WNK2: variants seen among roughly 807,000 people sequenced by gnomAD.
WNK2 encodes the protein serine/threonine-protein kinase WNK2.
Under a neutral mutation model 192.1 loss-of-function variants are expected in WNK2, and 67 were observed. That is an observed-to-expected ratio of 0.35 (90% confidence interval 0.29 to 0.43). WNK2 has a LOEUF of 0.43. Among genes scored for constraint, WNK2 ranks in the 20% least tolerant of loss-of-function variants. The probability of loss-of-function intolerance (pLI) is 1.00; values close to 1 mark genes in which losing one functional copy is unlikely to be tolerated. For missense variants in WNK2, 2,698 were observed against 3,089.7 expected (o/e 0.87, Z 3.01); for synonymous variants, 1,439 against 1,393.9 (o/e 1.03, Z -0.72).
intron 5 of WNK2, among the ~76,000 whole-genome samples, chr9:93,237,977 C>T (rs761360102): frequency 5.9e-5 from 9 of 152,114 alleles, no homozygotes; most frequent in Non-Finnish European, 1.0e-4. Context: ...TGCTGGTTTA[C>T]GGTGCCTTGT....
At chr9:93,298,567 C>A (rs1851027692) in intron 24 of WNK2, among the ~76,000 whole-genome samples, 1 of 152,208 alleles carries the variant, frequency 6.6e-6, no homozygotes, top group Admixed American at 6.5e-5. Context: ...CACGTCCCTG[C>A]ATGTCAGGGC....
chr9:93,215,003 C>T (rs897819256), intron 2 of WNK2, among the ~76,000 whole-genome samples: 2 of 151,602 alleles, frequency 1.3e-5, no homozygotes, highest in African/African-American at 4.9e-5. Flanking sequence ...TGATCTCAGC[C>T]TCCTGAGTAG....
At position 93,259,247 on chromosome 9, in the gene WNK2, A is replaced by G. The variant is rs773617136; in HGVS notation, c.2699A>G (p.His900Arg). 1.1e-5 allele frequency: 17 copies of G among 1,612,890 alleles called. No individual in the cohort carries two copies. In the African/African-American group the frequency reaches 2.3e-4, roughly 22 times the overall value. Residue 900 changes from histidine to arginine, a missense_variant, in exon 12 of 30, where the codon CAT becomes CGT. His to Arg is a conservative substitution (Grantham distance 29). This residue lies in a region of WNK2 where 893 missense variants were observed against 909.0 expected (regional missense o/e 0.98). Coordinates refer to ENST00000427277, the MANE Select transcript of WNK2 (RefSeq NM_006648.4). This position sits in a 1 kb window ranked among gnomAD's most constrained non-coding sequence, Gnocchi z 4.8. ...CCGGGCGTGGCTGCCCTGTCCATTC[A>G]TTCTGCCGTGGCCCAGCTCCCAGGC... ...APPGVAALSI[H>R]SAVAQLPGQP...
intron 19 of WNK2, among the ~76,000 whole-genome samples, chr9:93,285,431 A>T (rs1848312376): frequency 6.6e-6 from 1 of 152,228 alleles, no homozygotes; most frequent in Admixed American, 6.5e-5. Flanking sequence ...CTTTCTGTAT[A>T]CCAACAACAA....
chr9:93,306,921 T>C (rs1375073890), intron 27 of WNK2, 100 bp downstream of exon 27: 101 of 1,439,090 alleles, frequency 7.0e-5, no homozygotes, highest in Non-Finnish European at 2.9e-5. Context: ...GGCGTGGGCC[T>C]GCCCTGTGCC....
At chr9:93,206,281 C>T (rs1296498549) in intron 2 of WNK2, among the ~76,000 whole-genome samples, 1 of 152,170 alleles carries the variant, frequency 6.6e-6, no homozygotes, top group Non-Finnish European at 1.5e-5. Context: ...TGCTGGTGGA[C>T]AGGCTGAGGT....
chr9:93,309,391 A>G (rs1012806885), intron 28 of WNK2, among the ~76,000 whole-genome samples: 4 of 152,144 alleles, frequency 2.6e-5, no homozygotes, highest in African/African-American at 7.2e-5. Flanking sequence ...TATGGATTCA[A>G]TTTCTTCTAC....
chr9:93,273,498 A>T (rs967294758), intron 19 of WNK2, among the ~76,000 whole-genome samples: 1 of 152,252 alleles, frequency 6.6e-6, no homozygotes, highest in Non-Finnish European at 1.5e-5. Context: ...AGGACATAAC[A>T]GCCCTAAATG....
chr9:93,264,117 A>C, intron 16 of WNK2, 84 bp downstream of exon 16: 1 of 1,089,064 alleles, frequency 9.2e-7, no homozygotes, highest in South Asian at 1.3e-5. Context: ...TCACATGTCG[A>C]GCCTGGCCTT....
At position 93,261,959 on chromosome 9, in the gene WNK2, G is replaced by C; in HGVS notation, c.3212G>C (p.Ser1071Thr). Residue 1071 changes from serine to threonine, a missense_variant, in exon 13 of 30, where the codon AGC becomes ACC. By Grantham distance (58) the Ser-to-Thr change is moderately conservative. Coordinates refer to ENST00000427277, the MANE Select transcript of WNK2 (RefSeq NM_006648.4). ...CCTGAGCTCCTGCCTCAGTTCCCCA[G>C]CTCCCTGGCCACGGTGTCTGCCTCT... ...AAPELLPQFP[S>T]SLATVSASVQ... 1.3e-5 allele frequency: 21 copies of C among 1,611,656 alleles called. No individual in the cohort carries two copies. Among genetic ancestry groups the C allele is most frequent in the Non-Finnish European group, 1.7e-5 (20 of 1,179,736 alleles).
At chr9:93,307,643 C>T (rs1588611885) in intron 27 of WNK2, 1 of 152,516 alleles carries the variant, frequency 6.6e-6, no homozygotes, top group East Asian at 1.9e-4. Context: ...CAGCCCATGG[C>T]AGGAGCTGGT....
chr9:93,296,748 TC>T (rs558696827), intron 23 of WNK2, among the ~76,000 whole-genome samples: 1 of 68,976 alleles, frequency 1.4e-5, no homozygotes, highest in African/African-American at 6.1e-5. Flanking sequence ...CTCCTCCTCC[TC>T]CATCCTCCCT....
In WNK2 at chr9:93,230,851, G is replaced by T. The variant is rs145428759; in HGVS notation, c.855-37G>T. ...GCTTTGCTAGGGGGCCGCTGCCGGCGAGCTGCTTGGTGAGCTGTGCCCGTG... is the reference window on the plus strand; with the variant it reads ...GCTTTGCTAGGGGGCCGCTGCCGGCTAGCTGCTTGGTGAGCTGTGCCCGTG... On this transcript the variant is annotated intron_variant, in intron 3 of 29. Transcript: ENST00000427277. 25 of 1,591,408 alleles carry T rather than the reference G, an allele frequency of 1.6e-5. No individual in the cohort carries two copies. The African/African-American group carries it at 3.1e-4, about 20-fold the overall frequency.
chr9:93,244,176 AC>A lies in WNK2; in HGVS notation c.1543-3363del, dbSNP rs1313725389. Among the ~76,000 whole-genome samples, 3 of 152,190 alleles carry A rather than the reference AC, an allele frequency of 2.0e-5. 1 individual carries two copies. The highest frequency in any genetic ancestry group is 4.4e-5 in the Non-Finnish European group (3 of 68,030). On this transcript the variant is annotated intron_variant, in intron 7 of 29. Coordinates refer to ENST00000427277, the MANE Select transcript of WNK2 (RefSeq NM_006648.4). ...CCAGATGAGACCTCTTTCTGGAAGGACCCCGAGGGTGGGAGAGAATGCAGAT... is the reference window on the plus strand; with the variant it reads ...CCAGATGAGACCTCTTTCTGGAAGGACCCGAGGGTGGGAGAGAATGCAGAT...
intron 6 of WNK2, 87 bp downstream of exon 6, chr9:93,238,408 G>A: frequency 7.7e-7 from 1 of 1,302,200 alleles, no homozygotes; most frequent in South Asian, 1.2e-5. Flanking sequence ...TCTTGATGAG[G>A]GGACTTCAAG....
chr9:93,240,567 C>A (rs560145867), intron 7 of WNK2, among the ~76,000 whole-genome samples: 3 of 152,012 alleles, frequency 2.0e-5, no homozygotes, highest in African/African-American at 7.2e-5. Context: ...ATCGAGGCCT[C>A]ATTGGAGGGG....
At chr9:93,208,113 A>G (rs1423548023) in intron 2 of WNK2, among the ~76,000 whole-genome samples, 1 of 152,158 alleles carries the variant, frequency 6.6e-6, no homozygotes, top group Non-Finnish European at 1.5e-5. Context: ...ACACACAAAC[A>G]TCTCAGTTTT....
At chr9:93,291,332 G>A (rs1459468277) in intron 21 of WNK2, among the ~76,000 whole-genome samples, 2 of 152,160 alleles carry the variant, frequency 1.3e-5, no homozygotes, top group African/African-American at 4.8e-5. Flanking sequence ...GATATAACTT[G>A]TACTCCAAGT....
intron 4 of WNK2, among the ~76,000 whole-genome samples, chr9:93,231,803 A>G (rs1468417356): frequency 6.6e-6 from 1 of 152,226 alleles, no homozygotes; most frequent in Non-Finnish European, 1.5e-5. Context: ...CCCTAGGGGC[A>G]GCTGGCCCGG....
Sources: allele counts gnomAD v4.1 joint callset (sites outside exome capture counted in the v4.1 genomes callset), GRCh38; gene constraint gnomAD v4.1.1; regional missense constraint gnomAD v4.1.1; non-coding constraint Gnocchi (gnomAD v3.1); transcripts MANE v1.5; gene names NCBI Gene and HGNC (gene_info 2026-07-23, HGNC 2026-07-21).